The following NBAS variants were observed in gnomAD, a reference collection of about 807,000 sequenced individuals.
The protein encoded by NBAS is NBAS subunit of NRZ tethering complex.
NBAS carries 219 observed loss-of-function variants against 302.5 expected under a neutral mutation model. That is an observed-to-expected ratio of 0.72 (90% CI 0.65 to 0.81). The LOEUF is 0.81. NBAS is among the 30% of genes least tolerant of loss of function. NBAS has a pLI of 0.00. For missense variants in NBAS, 2,932 were observed against 2,841.6 expected (o/e 1.03, Z -0.72); for synonymous variants, 1,118 against 1,021.6 (o/e 1.09, Z -1.80).
At chr2:14,826,492 G>C in the NBAS span, among the ~76,000 whole-genome samples, 1 of 152,166 alleles carries the variant, frequency 6.6e-6, no homozygotes, top group East Asian at 1.9e-4. Context: ...ATACCATGTA[G>C]GGATTTGAAA....
At chr2:15,086,340 CT>C in the NBAS span, among the ~76,000 whole-genome samples, 2 of 152,140 alleles carry the variant, frequency 1.3e-5, no homozygotes, top group Non-Finnish European at 1.5e-5. Flanking sequence ...GAGCTACCCC[CT>C]ATTGGTCCCC....
chr2:15,027,751 G>T, the NBAS span, among the ~76,000 whole-genome samples: 2 of 152,220 alleles, frequency 1.3e-5, no homozygotes, highest in East Asian at 3.9e-4. Context: ...GTTTACCACT[G>T]ATTTTTAGTT....
intron 44 of NBAS, among the ~76,000 whole-genome samples, chr2:15,266,391 A>G (rs934038559): frequency 5.9e-5 from 9 of 151,942 alleles, no homozygotes; most frequent in Non-Finnish European, 1.5e-5. Context: ...ATCTTACTAC[A>G]TTTTTCTTGT....
chr2:14,993,129 T>A, the NBAS span, among the ~76,000 whole-genome samples: 1 of 152,146 alleles, frequency 6.6e-6, no homozygotes, highest in Non-Finnish European at 1.5e-5. Flanking sequence ...GAGCAACTTA[T>A]CCTGTAGGGC....
chr2:14,830,426 T>C, the NBAS span, among the ~76,000 whole-genome samples: 1 of 152,170 alleles, frequency 6.6e-6, no homozygotes, highest in Non-Finnish European at 1.5e-5. Context: ...GAGATACATT[T>C]GCCCTCCCCT....
chr2:15,484,480 T>C (rs923412391), intron 12 of NBAS, among the ~76,000 whole-genome samples: 5 of 152,140 alleles, frequency 3.3e-5, no homozygotes, highest in African/African-American at 1.2e-4. Context: ...TTGTGGGAGT[T>C]ATTTAAATCC....
chr2:15,224,770 C>T (rs765891566), intron 47 of NBAS, among the ~76,000 whole-genome samples: 2 of 152,188 alleles, frequency 1.3e-5, no homozygotes, highest in African/African-American at 4.8e-5. Flanking sequence ...GGGGTATATA[C>T]AAGCGAGCTA....
At chr2:15,149,387 G>A in the NBAS span, among the ~76,000 whole-genome samples, 1 of 152,108 alleles carries the variant, frequency 6.6e-6, no homozygotes, top group African/African-American at 2.4e-5. Context: ...CCAATCTCAG[G>A]TATTCTGTTA....
At chr2:14,837,637 T>A in the NBAS span, among the ~76,000 whole-genome samples, 1 of 151,798 alleles carries the variant, frequency 6.6e-6, no homozygotes, top group Non-Finnish European at 1.5e-5. Context: ...TTGTGACAGC[T>A]TGGAAATTTC....
chr2:15,268,001 T>C (rs760455257), intron 44 of NBAS, among the ~76,000 whole-genome samples: 25 of 152,316 alleles, frequency 1.6e-4, no homozygotes, highest in African/African-American at 2.4e-4. Context: ...AGATGTACTA[T>C]TATAGTGCAT....
chr2:15,366,482 C>A (rs1022519402), intron 32 of NBAS, 98 bp downstream of exon 32: 135 of 1,202,180 alleles, frequency 1.1e-4, no homozygotes, highest in Non-Finnish European at 1.5e-4. Flanking sequence ...AAAAGCTGTT[C>A]TTCTGACGCT....
the NBAS span, among the ~76,000 whole-genome samples, chr2:15,016,463 T>TA: frequency 2.4e-4 from 36 of 152,012 alleles, no homozygotes; most frequent in African/African-American, 8.2e-4. Flanking sequence ...ACTGATGAAA[T>TA]AATTGAAGAG....
chr2:15,534,494 T>C (rs1572981647), intron 9 of NBAS, 49 bp downstream of exon 9: 3 of 1,318,264 alleles, frequency 2.3e-6, no homozygotes, highest in African/African-American at 1.4e-5. Flanking sequence ...TCTGAATCTA[T>C]GCCAACATTT....
the NBAS span, among the ~76,000 whole-genome samples, chr2:14,952,911 GA>G: frequency 6.6e-6 from 1 of 152,244 alleles, no homozygotes; most frequent in African/African-American, 2.4e-5. Context: ...ACACGTAGGA[GA>G]AGCAACTCAG....
At chr2:14,901,376 G>C in the NBAS span, among the ~76,000 whole-genome samples, 1 of 151,858 alleles carries the variant, frequency 6.6e-6, no homozygotes, top group East Asian at 1.9e-4. Context: ...AAAAGAATCA[G>C]AATAAAGGAG....
chr2:15,423,150 A>G (rs1222433113), intron 23 of NBAS, among the ~76,000 whole-genome samples: 1 of 152,224 alleles, frequency 6.6e-6, no homozygotes, highest in African/African-American at 2.4e-5. Context: ...CAAGACGTTC[A>G]TTCTTTCTGT....
At chr2:14,838,614 G>A in the NBAS span, among the ~76,000 whole-genome samples, 1 of 152,068 alleles carries the variant, frequency 6.6e-6, no homozygotes, top group African/African-American at 2.4e-5. Context: ...GATGTATGCT[G>A]TGATTTTTTA....
At chr2:15,178,217 T>C (rs1572401221) in intron 51 of NBAS, 3 of 463,344 alleles carry the variant, frequency 6.5e-6, no homozygotes, top group Non-Finnish European at 8.9e-6. Context: ...TATATGTATA[T>C]ATACAATGTA....
At chr2:15,437,535 G>A (rs1678089924) in intron 21 of NBAS, among the ~76,000 whole-genome samples, 1 of 152,196 alleles carries the variant, frequency 6.6e-6, no homozygotes, top group African/African-American at 2.4e-5. Context: ...TCTGATGTCA[G>A]TTCGACAGAA....
Sources: allele counts gnomAD v4.1 joint callset (sites outside exome capture counted in the v4.1 genomes callset), GRCh38; gene constraint gnomAD v4.1.1; transcripts MANE v1.5; gene names NCBI Gene and HGNC (gene_info 2026-07-23, HGNC 2026-07-21).